SMIM8: variants seen among roughly 807,000 people sequenced by gnomAD.
SMIM8 encodes the protein UPF0708 protein C6orf162.
Under a neutral mutation model 8.1 loss-of-function variants are expected in SMIM8, and 8 were observed. The observed-to-expected ratio is 0.99, with a 90% CI of 0.58 to 1.78. SMIM8 has a LOEUF of 1.78. Among genes scored for constraint, SMIM8 ranks in the 40% most tolerant of loss-of-function variants. The pLI, the probability that SMIM8 is intolerant of heterozygous loss-of-function variation, is 0.00. For synonymous variants in SMIM8, 45 were observed against 39.7 expected, an observed-to-expected ratio of 1.13 and a Z score of -0.50; for missense variants, 126 against 119.8, an observed-to-expected ratio of 1.05 and a Z score of -0.24.
intron 2 of SMIM8, among the ~76,000 whole-genome samples, chr6:87,335,836 C>T (rs1019593450): frequency 2.2e-5 from 3 of 136,262 alleles, no homozygotes; most frequent in Admixed American, 7.4e-5. Flanking sequence ...GGCGAGACCC[C>T]GTCCCTACCA....
In SMIM8 at chr6:87,337,099, C is replaced by G. The variant is rs370955656; in HGVS notation, c.68C>G (p.Pro23Arg). ...CCCAAAGAGAAAGAGTTTCAAAGCC[C>G]AGGGCTCAGAGGGGTGCGCACAACA... ...EPPKEKEFQS[P>R]GLRGVRTTTL... Residue 23 changes from proline (P) to arginine (R), a missense_variant, in exon 3 of 4, where the codon CCA (proline) becomes CGA (arginine). By Grantham distance (103) the Pro-to-Arg change is moderately radical (BLOSUM62 -2). Coordinates refer to ENST00000392863, the MANE Select transcript of SMIM8 (RefSeq NM_001042493.3). 6.2e-7 allele frequency: 1 copy of G among 1,613,262 alleles called. No individual in the cohort carries two copies. Among genetic ancestry groups the G allele is most frequent in the East Asian group, 2.2e-5 (1 of 44,864 alleles).
chr6:87,339,325 C>CGTGTGTGTGT (rs59321615), intron 3 of SMIM8, among the ~76,000 whole-genome samples: 12 of 124,086 alleles, frequency 9.7e-5, no homozygotes, highest in African/African-American at 1.9e-4. Context: ...CAAAACACAG[C>CGTGTGTGTGT]GTGTGTGTGT....
intron 2 of SMIM8, among the ~76,000 whole-genome samples, 197 bp from the exon 3 acceptor site, chr6:87,336,812 A>C (rs779962750): frequency 7.9e-5 from 12 of 152,182 alleles, no homozygotes; most frequent in Non-Finnish European, 1.2e-4. Context: ...GAAAATTAAA[A>C]TAATGAACAA....
chr6:87,327,197 C>T (rs1433716879), intron 1 of SMIM8, among the ~76,000 whole-genome samples: 1 of 149,020 alleles, frequency 6.7e-6, no homozygotes, highest in East Asian at 2.0e-4. Context: ...ATACAGCACA[C>T]TGATGGGTCT....
chr6:87,323,870 T>A (rs74553481), intron 1 of SMIM8, among the ~76,000 whole-genome samples: 94,878 of 151,756 alleles, frequency 0.63, 30,102 homozygotes, highest in African/African-American at 0.7. Context: ...ACAATGGTTG[T>A]ACTGGTTTAC....
At chr6:87,324,321 G>A (rs1776762416) in intron 1 of SMIM8, among the ~76,000 whole-genome samples, 1 of 152,202 alleles carries the variant, frequency 6.6e-6, no homozygotes, top group Non-Finnish European at 1.5e-5. Flanking sequence ...TGCTTTTGGT[G>A]TTTTAGACAT....
chr6:87,323,724 G>A (rs979300258), intron 1 of SMIM8, among the ~76,000 whole-genome samples: 3 of 151,956 alleles, frequency 2.0e-5, no homozygotes, highest in South Asian at 2.1e-4. Flanking sequence ...GAATAATGCC[G>A]CAATAAACAT....
chr6:87,333,421 CAA>C (rs535920325), intron 2 of SMIM8, among the ~76,000 whole-genome samples: 2 of 152,192 alleles, frequency 1.3e-5, no homozygotes, highest in Non-Finnish European at 2.9e-5. Context: ...CGTTTATAGT[CAA>C]ACAAGTTTTT....
At chr6:87,340,095 T>G in intron 3 of SMIM8, 21 bp from the exon 4 acceptor site, 1 of 1,522,598 alleles carries the variant, frequency 6.6e-7, no homozygotes. Context: ...TAAAGCTTTA[T>G]AATTTTTTTT....
intron 1 of SMIM8, among the ~76,000 whole-genome samples, chr6:87,329,683 T>A: frequency 6.6e-6 from 1 of 152,220 alleles, no homozygotes; most frequent in East Asian, 1.9e-4. Flanking sequence ...TTTTTTTTCT[T>A]AAATATTGTA....
At chr6:87,333,102 T>G (rs191050444) in intron 2 of SMIM8, among the ~76,000 whole-genome samples, 1 of 152,304 alleles carries the variant, frequency 6.6e-6, no homozygotes, top group Non-Finnish European at 1.5e-5. Flanking sequence ...CTGTTTCTGG[T>G]GAGGGGCTCA....
At chr6:87,336,908 C>G (rs1582096512) in intron 2 of SMIM8, 101 bp from the exon 3 acceptor site, 1 of 906,478 alleles carries the variant, frequency 1.1e-6, no homozygotes, top group East Asian at 2.7e-5. Context: ...TGGTATGTAT[C>G]TGGGTTGGAA....
chr6:87,326,354 A>G (rs1776821260), intron 1 of SMIM8, among the ~76,000 whole-genome samples: 1 of 151,648 alleles, frequency 6.6e-6, no homozygotes, highest in Non-Finnish European at 1.5e-5. Flanking sequence ...CTTAATTGTG[A>G]TGTTAGGGTG....
intron 1 of SMIM8, among the ~76,000 whole-genome samples, chr6:87,324,707 A>G (rs371460321): frequency 3.0e-4 from 45 of 151,640 alleles, no homozygotes; most frequent in African/African-American, 4.1e-4. Flanking sequence ...GTAGTGTGAT[A>G]CCTCCAGCTT....
chr6:87,339,325 C>CGTGTGTGTGTGT (rs59321615), intron 3 of SMIM8, among the ~76,000 whole-genome samples: 2 of 124,086 alleles, frequency 1.6e-5, no homozygotes, highest in African/African-American at 6.3e-5. Context: ...CAAAACACAG[C>CGTGTGTGTGTGT]GTGTGTGTGT....
chr6:87,336,373 A>G (rs1027151163), intron 2 of SMIM8, among the ~76,000 whole-genome samples: 1 of 152,222 alleles, frequency 6.6e-6, no homozygotes, highest in African/African-American at 2.4e-5. Context: ...TACAGTAGCT[A>G]AGATAAAAAA....
At chr6:87,330,456 A>G (rs1776967177) in intron 1 of SMIM8, among the ~76,000 whole-genome samples, 1 of 152,110 alleles carries the variant, frequency 6.6e-6, no homozygotes, top group Non-Finnish European at 1.5e-5. Flanking sequence ...GTAGTCAAGT[A>G]TTCTGGAATA....
intron 2 of SMIM8, among the ~76,000 whole-genome samples, chr6:87,335,933 G>A (rs893156484): frequency 6.7e-6 from 1 of 149,142 alleles, no homozygotes; most frequent in Non-Finnish European, 1.5e-5. Flanking sequence ...AGGATCACTT[G>A]AGCCCAGGTG....
At chr6:87,339,315 C>T (rs1393265905) in intron 3 of SMIM8, among the ~76,000 whole-genome samples, 3 of 140,452 alleles carry the variant, frequency 2.1e-5, no homozygotes, top group African/African-American at 8.1e-5. Flanking sequence ...ACAACAACAA[C>T]AAAACACAGC....
Sources: gnomAD v4.1 joint callset for allele counts (sites outside exome capture counted in the v4.1 genomes callset) on GRCh38, gnomAD v4.1.1 for gene constraint, MANE v1.5 for transcripts, NCBI Gene and HGNC (gene_info 2026-07-23, HGNC 2026-07-21) for gene names.